Variants in STOX2 observed in about 807,000 individuals in gnomAD.
STOX2 encodes storkhead box 2.
STOX2 carries 28 observed loss-of-function variants against 60.9 expected under a neutral mutation model. The ratio of observed to expected loss-of-function variants is 0.46; its 90% CI spans 0.34 to 0.63. The LOEUF is 0.63. Among genes scored for constraint, STOX2 ranks in the 30% least tolerant of loss-of-function variants. The pLI is 0.01. For synonymous variants in STOX2, 472 were observed against 463.9 expected, an observed-to-expected ratio of 1.02 and a Z score of -0.22; for missense variants, 1,024 against 1,187.7, an observed-to-expected ratio of 0.86 and a Z score of 2.03.
At chr4:183,873,052 T>C (rs931783640) in intron 1 of STOX2, among the ~76,000 whole-genome samples, 1 of 152,234 alleles carries the variant, frequency 6.6e-6, no homozygotes, top group African/African-American at 2.4e-5. Context: ...TGGCTCTTTA[T>C]TTTTAATACA....
upstream of STOX2, among the ~76,000 whole-genome samples, chr4:183,901,366 T>C (rs1297355836): frequency 2.6e-5 from 4 of 152,202 alleles, no homozygotes; most frequent in Admixed American, 6.5e-5. Context: ...AATGTTGCTA[T>C]GAACATGGGG....
intron 1 of STOX2, among the ~76,000 whole-genome samples, chr4:183,899,670 T>C (rs1039761057): frequency 2.0e-5 from 3 of 151,984 alleles, no homozygotes; most frequent in African/African-American, 7.2e-5. Context: ...CTAGCAGAGG[T>C]TGGTTCATGA....
intron 1 of STOX2, among the ~76,000 whole-genome samples, chr4:183,861,514 G>A (rs1051077885): frequency 9.2e-5 from 14 of 152,218 alleles, no homozygotes; most frequent in African/African-American, 3.4e-4. Flanking sequence ...CGTGAGAAGC[G>A]ACTTTCAGGC....
At chr4:183,895,244 T>C (rs1003348267) in intron 1 of STOX2, among the ~76,000 whole-genome samples, 1 of 152,328 alleles carries the variant, frequency 6.6e-6, no homozygotes, top group African/African-American at 2.4e-5. Context: ...TGTCAAGTCC[T>C]ATATGAACAT....
intron 1 of STOX2, among the ~76,000 whole-genome samples, chr4:183,881,129 G>A (rs556199173): frequency 1.3e-5 from 2 of 152,214 alleles, no homozygotes; most frequent in South Asian, 2.1e-4. Flanking sequence ...GAAGTTACTC[G>A]CAAGCTCAGA....
In STOX2 at chr4:184,011,650, C is replaced by T; in HGVS notation, c.2585+227C>T. On this transcript the variant is annotated intron_variant, in intron 3 of 3. Coordinates refer to ENST00000308497, the MANE Select transcript of STOX2 (RefSeq NM_020225.3). The surrounding 1 kb of genome is among the most constrained non-coding windows in gnomAD (Gnocchi z 4.4). Reference sequence around the variant, plus strand: ...AATCTGGACTGGTGGGTTGGCTCCTCCCCTCAAACTTGCATCAGTCTGATC... The same window carrying T: ...AATCTGGACTGGTGGGTTGGCTCCTTCCCTCAAACTTGCATCAGTCTGATC... 4 of 1,497,976 alleles carry T rather than the reference C, an allele frequency of 2.7e-6. No homozygotes were observed. Among genetic ancestry groups the T allele is most frequent in the Non-Finnish European group, 3.5e-6 (4 of 1,126,966 alleles). 92.8% of individuals were successfully genotyped at this position (1,497,976 alleles called of 1,614,324 possible). A position where few individuals can be genotyped will look rare whatever the true frequency, so the allele number is the denominator to read the frequency against.
chr4:183,971,613 A>G (rs1003343553), intron 1 of STOX2, among the ~76,000 whole-genome samples: 1 of 152,262 alleles, frequency 6.6e-6, no homozygotes, highest in African/African-American at 2.4e-5. Flanking sequence ...GTCCACTATT[A>G]TCACAGAGGT....
At chr4:183,870,219 T>C (rs1295055356) in intron 1 of STOX2, among the ~76,000 whole-genome samples, 1 of 152,230 alleles carries the variant, frequency 6.6e-6, no homozygotes, top group Non-Finnish European at 1.5e-5. Context: ...ATGATTAAAA[T>C]GGCTTTGGGA....
At chr4:183,929,834 A>G (rs1742361975) in intron 1 of STOX2, among the ~76,000 whole-genome samples, 1 of 152,204 alleles carries the variant, frequency 6.6e-6, no homozygotes, top group African/African-American at 2.4e-5. Context: ...GCAAGAAAAT[A>G]TTACAACCAA....
intron 1 of STOX2, among the ~76,000 whole-genome samples, chr4:183,861,933 G>C (rs1469796894): frequency 2.0e-5 from 3 of 152,076 alleles, no homozygotes; most frequent in Non-Finnish European, 4.4e-5. Context: ...AACATTACAG[G>C]ATCACAGGAG....
intron 1 of STOX2, among the ~76,000 whole-genome samples, chr4:183,958,523 A>G (rs561029126): frequency 6.6e-6 from 1 of 152,118 alleles, no homozygotes; most frequent in East Asian, 1.9e-4. Flanking sequence ...TGCTTTTCCA[A>G]CTTCCAAAAT....
Position 184,020,998 on chromosome 4 carries a change from A to G in STOX2, c.*3714A>G, listed in dbSNP as rs1161243399. 6.6e-6 allele frequency: 1 copy of G among 152,258 alleles called. No homozygotes were observed. Among genetic ancestry groups the G allele is most frequent in the African/African-American group, 2.4e-5 (1 of 41,466 alleles). 9.4% of individuals were successfully genotyped at this position (152,258 alleles called of 1,614,324 possible). ...GCAGCTTTGCAAAACTCTACCCAGG[A>G]TAAACCACTTATCACCACCAAGTGT... On this transcript the variant is annotated 3_prime_UTR_variant, in exon 4 of 4. Coordinates refer to ENST00000308497, the MANE Select transcript of STOX2 (RefSeq NM_020225.3).
At position 184,010,854 on chromosome 4, in the gene STOX2, T is replaced by C; in HGVS notation, c.2016T>C (p.Ala672=). 1.2e-6 allele frequency: 2 copies of C among 1,606,760 alleles called. No individual in the cohort carries two copies. Among genetic ancestry groups the C allele is most frequent in the Non-Finnish European group, 1.7e-6 (2 of 1,176,370 alleles). ...GCCCCGCTGCTTCGGGAGGAGTGGC[T>C]GAAGGGATCGCCAACGGACGCCTCG... is the stretch of plus-strand genomic sequence containing the variant. The part of the protein sequence containing the change: ...GGGPAASGGV[A]EGIANGRLVQ... The change falls in exon 3 of 4, where the codon GCT becomes GCC. Residue 672 remains alanine (A), a synonymous_variant. Coordinates refer to ENST00000308497, the MANE Select transcript of STOX2 (RefSeq NM_020225.3). This position sits in a 1 kb window ranked among gnomAD's most constrained non-coding sequence, Gnocchi z 4.5.
At chr4:183,944,559 CA>C (rs998963316) in intron 1 of STOX2, among the ~76,000 whole-genome samples, 1 of 152,116 alleles carries the variant, frequency 6.6e-6, no homozygotes, top group Non-Finnish European at 1.5e-5. Context: ...ACTAAAGCTA[CA>C]AAAGTTAGTC....
chr4:183,887,369 A>G (rs1285263155), intron 1 of STOX2, among the ~76,000 whole-genome samples: 1 of 152,234 alleles, frequency 6.6e-6, no homozygotes, highest in African/African-American at 2.4e-5. Context: ...TTATAAATTT[A>G]GTGATTTAGT....
At position 183,819,418 on chromosome 4, in the gene STOX2, G is replaced by A. The variant is rs541348775; in HGVS notation, c.364+21363G>A. ...AAACCAGTCAGGCATGGCGGCGCGC[G>A]CCCACAATCGCAGGCACTGGGCAGG... On this transcript the variant is annotated intron_variant, in intron 1 of 2. Coordinates refer to the STOX2 transcript ENST00000513034. Among the ~76,000 whole-genome samples, 23 of 152,058 alleles carry A rather than the reference G, an allele frequency of 1.5e-4. No homozygotes were observed. The East Asian group carries it at 2.3e-3, about 15-fold the overall frequency.
At position 183,836,423 on chromosome 4, in the gene STOX2, G is replaced by A. The variant is rs1163234127; in HGVS notation, c.364+38368G>A. The stretch of plus-strand genomic sequence containing the variant: ...ATAGGCTGTTTTATGCTGAAATAAC[G>A]TCTCAGTGGCTTAACACATTAAGCC... On this transcript the variant is annotated intron_variant, in intron 1 of 2. Transcript: ENST00000513034. This position sits in a 1 kb window ranked among gnomAD's most constrained non-coding sequence, Gnocchi z 4.1. 2.0e-5 allele frequency among the ~76,000 whole-genome samples: 3 copies of A among 152,120 alleles called. No individual in the cohort carries two copies. Among genetic ancestry groups the A allele is most frequent in the East Asian group, 1.9e-4 (1 of 5,190 alleles).
At chr4:183,977,435 C>T (rs1732488473) in intron 1 of STOX2, among the ~76,000 whole-genome samples, 1 of 152,022 alleles carries the variant, frequency 6.6e-6, no homozygotes, top group African/African-American at 2.4e-5. Context: ...ACAGTTTTTG[C>T]CTTACTAGTA....
chr4:183,969,881 C>T (rs1327548243), intron 1 of STOX2, among the ~76,000 whole-genome samples: 4 of 152,184 alleles, frequency 2.6e-5, no homozygotes, highest in Non-Finnish European at 5.9e-5. Flanking sequence ...CTCAATCTCC[C>T]AAAGTGCTGA....
Sources: allele counts gnomAD v4.1 joint callset (sites outside exome capture counted in the v4.1 genomes callset), GRCh38; gene constraint gnomAD v4.1.1; non-coding constraint Gnocchi (gnomAD v3.1); transcripts MANE v1.5; gene names NCBI Gene and HGNC (gene_info 2026-07-23, HGNC 2026-07-21).